ALK: variants seen among roughly 807,000 people sequenced by gnomAD.
The protein encoded by ALK is ALK receptor tyrosine kinase, also known as ALK tyrosine kinase receptor.
Under a neutral mutation model 163.1 loss-of-function variants are expected in ALK, and 74 were observed. The observed-to-expected ratio is 0.45, with a 90% confidence interval of 0.38 to 0.55. The LOEUF is 0.55. Ranked by LOEUF, ALK falls within the 20% of genes least tolerant of loss-of-function variation. ALK has a pLI of 0.00. For missense variants in ALK, 2,063 were observed against 2,105.3 expected (o/e 0.98, Z 0.39); for synonymous variants, 960 against 843.2 (o/e 1.14, Z -2.40).
chr2:29,580,372 C>T (rs149739460), intron 3 of ALK, among the ~76,000 whole-genome samples: 9 of 152,288 alleles, frequency 5.9e-5, no homozygotes, highest in South Asian at 2.1e-4. Flanking sequence ...GCTTCGGTGT[C>T]CTCTCCCGCT....
At chr2:29,580,452 C>G (rs1363276764) in intron 3 of ALK, among the ~76,000 whole-genome samples, 6 of 152,176 alleles carry the variant, frequency 3.9e-5, no homozygotes, top group Non-Finnish European at 8.8e-5. Context: ...ACCTTATAAC[C>G]AAAGCGTAGG....
rs1452074719 is a variant in ALK, at chr2:29,193,620, C to T, written c.4467G>A (p.Leu1489=). The T allele has an allele frequency of 2.5e-6, 4 of 1,614,120 alleles. No homozygotes were observed. The African/African-American group carries it at 4.0e-5, about 16-fold the overall frequency. The change falls in exon 29 of 29, where the codon TTG becomes TTA. Residue 1489 remains leucine (L), a synonymous_variant. Transcript: ENST00000389048. ...TGTTTCTGGATCCGTGGACCTTGTG[C>T]AACTCCGAAGGAGGGTTGGACTGAG... The part of the protein sequence containing the change: ...AFSQSNPPSE[L]HKVHGSRNKP...
intron 1 of ALK, among the ~76,000 whole-genome samples, chr2:29,732,403 C>T (rs1303864524): frequency 6.6e-6 from 1 of 152,188 alleles, no homozygotes; most frequent in African/African-American, 2.4e-5. Flanking sequence ...GAACTATTGT[C>T]ACAAACTCCA....
At chr2:29,739,429 G>A (rs916886762) in intron 1 of ALK, among the ~76,000 whole-genome samples, 9 of 151,510 alleles carry the variant, frequency 5.9e-5, no homozygotes, top group Non-Finnish European at 1.2e-4. Context: ...GTGGTGGTAT[G>A]TGCCTGTAGT....
In ALK at chr2:29,220,518, C is replaced by T. The variant is rs77835003; in HGVS notation, c.3645+188G>A. Reference sequence around the variant, plus strand: ...GCACAAGCTCCTTGGGGCTGGGGCTCAGCCATCATCTACCTCTATCTTCTG... The same window carrying T: ...GCACAAGCTCCTTGGGGCTGGGGCTTAGCCATCATCTACCTCTATCTTCTG... On this transcript the variant is annotated intron_variant, in intron 23 of 28. Transcript: ENST00000389048. 0.027 allele frequency among the ~76,000 whole-genome samples: 4,141 copies of T among 152,264 alleles called. 173 individuals are homozygous for T. Among genetic ancestry groups the T allele is most frequent in the African/African-American group, 0.094 (3,913 of 41,526 alleles).
chr2:29,899,372 T>C (rs1324461225), intron 1 of ALK, among the ~76,000 whole-genome samples: 1 of 152,176 alleles, frequency 6.6e-6, no homozygotes, highest in African/African-American at 2.4e-5. Flanking sequence ...TGTGTGAAGG[T>C]GCCAAGGGCT....
chr2:29,806,637 C>A (rs1015577779), intron 1 of ALK, among the ~76,000 whole-genome samples: 1 of 152,060 alleles, frequency 6.6e-6, no homozygotes, highest in Non-Finnish European at 1.5e-5. Context: ...AGATGTTGTC[C>A]GGAATGCTGG....
At chr2:29,641,413 T>C (rs1362430768) in intron 3 of ALK, among the ~76,000 whole-genome samples, 2 of 152,104 alleles carry the variant, frequency 1.3e-5, no homozygotes, top group Admixed American at 6.5e-5. Flanking sequence ...TCCAATTGCC[T>C]GCAAGTGAAC....
chr2:29,501,377 A>G (rs966084879), intron 4 of ALK, among the ~76,000 whole-genome samples: 1 of 152,206 alleles, frequency 6.6e-6, no homozygotes, highest in Admixed American at 6.5e-5. Flanking sequence ...GTCAAAGCCA[A>G]AGGCCTTTGC....
At chr2:29,839,257 C>T (rs566333099) in intron 1 of ALK, among the ~76,000 whole-genome samples, 3 of 152,092 alleles carry the variant, frequency 2.0e-5, no homozygotes, top group East Asian at 1.9e-4. Context: ...GATTTTCTTG[C>T]GTGTTCTAAT....
chr2:29,778,566 T>C (rs1681243607), intron 1 of ALK, among the ~76,000 whole-genome samples: 1 of 152,190 alleles, frequency 6.6e-6, no homozygotes, highest in Non-Finnish European at 1.5e-5. Context: ...CATGCATGTG[T>C]GCAAGTGTGT....
At chr2:29,561,815 A>G (rs1674030788) in intron 3 of ALK, among the ~76,000 whole-genome samples, 1 of 152,136 alleles carries the variant, frequency 6.6e-6, no homozygotes, top group Admixed American at 6.5e-5. Context: ...CATGAAAATG[A>G]CCGGGGCCGG....
chr2:29,658,925 C>A (rs577540931), intron 3 of ALK, among the ~76,000 whole-genome samples: 6 of 152,232 alleles, frequency 3.9e-5, no homozygotes, highest in Admixed American at 3.9e-4. Flanking sequence ...TTTTAAATCA[C>A]TTGCATTTAA....
intron 3 of ALK, among the ~76,000 whole-genome samples, chr2:29,603,562 C>T (rs1675436727): frequency 6.6e-6 from 1 of 152,032 alleles, no homozygotes; most frequent in South Asian, 2.1e-4. Flanking sequence ...GCATGACTGA[C>T]CCCCTCCTTC....
chr2:29,703,544 G>A (rs914486587), intron 2 of ALK, among the ~76,000 whole-genome samples: 2 of 152,214 alleles, frequency 1.3e-5, no homozygotes, highest in African/African-American at 2.4e-5. Flanking sequence ...TTAAGATGAT[G>A]AGGCATGTGC....
intron 1 of ALK, among the ~76,000 whole-genome samples, chr2:29,899,405 G>A (rs1276183672): frequency 6.6e-6 from 1 of 152,170 alleles, no homozygotes; most frequent in Non-Finnish European, 1.5e-5. Context: ...CATCACCCTG[G>A]GGGCGGCTAC....
intron 7 of ALK, 132 bp downstream of exon 7, chr2:29,320,619 A>G (rs2148250691): frequency 7.8e-7 from 1 of 1,282,026 alleles, no homozygotes; most frequent in Non-Finnish European, 1.1e-6. Context: ...TTGTGTGTGA[A>G]CGCTCTAGGC....
rs149381641 is a variant in ALK at position 29,402,078 on chromosome 2, T to C, written c.1155-18219A>G. 4.8e-3 allele frequency among the ~76,000 whole-genome samples: 732 copies of C among 152,176 alleles called. 12 individuals carry two copies. The highest frequency in any genetic ancestry group is 0.032 in the East Asian group (167 of 5,172). ...CATCCCTCCCTTCACAAGAGATCAGTGGAGGAAGGGAAGGCAGACTTTGGC... is the reference window on the plus strand; with the variant it reads ...CATCCCTCCCTTCACAAGAGATCAGCGGAGGAAGGGAAGGCAGACTTTGGC... On this transcript the variant is annotated intron_variant, in intron 4 of 28. Coordinates refer to ENST00000389048, the MANE Select transcript of ALK (RefSeq NM_004304.5).
At chr2:29,496,610 T>C (rs181068316) in intron 4 of ALK, among the ~76,000 whole-genome samples, 2 of 152,176 alleles carry the variant, frequency 1.3e-5, no homozygotes, top group Non-Finnish European at 2.9e-5. Flanking sequence ...AATATGACCT[T>C]CTCCTAGCTT....
Sources: allele counts gnomAD v4.1 joint callset (sites outside exome capture counted in the v4.1 genomes callset), GRCh38; gene constraint gnomAD v4.1.1; transcripts MANE v1.5; gene names NCBI Gene and HGNC (gene_info 2026-07-23, HGNC 2026-07-21).